The following PCDHGB2 variants were observed in gnomAD, a reference collection of about 807,000 sequenced individuals.
PCDHGB2 encodes the protein protocadherin gamma-B2.
PCDHGB2 carries 55 observed loss-of-function variants against 59.3 expected under a neutral mutation model. The ratio of observed to expected loss-of-function variants is 0.93; its 90% CI spans 0.75 to 1.16. The LOEUF (loss-of-function observed/expected upper bound fraction) is 1.16. Among genes scored for constraint, PCDHGB2 ranks in the 50% most tolerant of loss-of-function variants. The pLI, the probability that PCDHGB2 is intolerant of heterozygous loss-of-function variation, is 0.00. For missense variants in PCDHGB2, 1,228 were observed against 1,198.5 expected, an observed-to-expected ratio of 1.02 and a Z score of -0.36; for synonymous variants, 516 against 512.0, an observed-to-expected ratio of 1.01 and a Z score of -0.11.
intron 1 of PCDHGB2, chr5:141,413,949 T>C (rs1291474416): frequency 6.2e-7 from 1 of 1,613,218 alleles, no homozygotes; most frequent in African/African-American, 1.3e-5. Context: ...TTCCTGAGAA[T>C]TTGCCTGTGG....
chr5:141,399,460 G>C (rs1465606526), intron 1 of PCDHGB2: 1 of 1,613,962 alleles, frequency 6.2e-7, no homozygotes, highest in Admixed American at 1.7e-5. Context: ...CAACGATAAC[G>C]CTCCGGTTTT....
At chr5:141,503,005 G>A (rs915064303) in intron 2 of PCDHGB2, among the ~76,000 whole-genome samples, 16 of 145,340 alleles carry the variant, frequency 1.1e-4, no homozygotes, top group African/African-American at 2.3e-4. Flanking sequence ...CACCATGCCC[G>A]GTTAATTTTT....
In PCDHGB2 at chr5:141,431,788, T is replaced by G. The variant is rs775397713; in HGVS notation, c.2422-63019T>G. 1 of 1,614,190 alleles carries G rather than the reference T, an allele frequency of 6.2e-7. No homozygotes were observed. The highest frequency in any genetic ancestry group is 1.1e-5 in the South Asian group (1 of 91,080). ...TCACTGTTCTGGACGTGAACGACAA[T>G]GCCCCAGAAGTGGTCCTCACCTCTC... On this transcript the variant is annotated intron_variant, in intron 1 of 3. Coordinates refer to ENST00000522605, the MANE Select transcript of PCDHGB2 (RefSeq NM_018923.3). The surrounding 1 kb of genome is among the most constrained non-coding windows in gnomAD (Gnocchi z 4.8).
intron 1 of PCDHGB2, among the ~76,000 whole-genome samples, chr5:141,425,068 A>G (rs1484760901): frequency 6.6e-6 from 1 of 152,174 alleles, no homozygotes; most frequent in African/African-American, 2.4e-5. Context: ...GGACAAAAAT[A>G]ATTTCAACTG....
chr5:141,410,665 G>A, intron 1 of PCDHGB2: 1 of 1,569,394 alleles, frequency 6.4e-7, no homozygotes, highest in Non-Finnish European at 8.6e-7. Context: ...TAGTCTACTA[G>A]TTTCTCATAT....
intron 2 of PCDHGB2, among the ~76,000 whole-genome samples, chr5:141,496,538 T>G (rs568286018): frequency 1.5e-4 from 23 of 152,266 alleles, no homozygotes; most frequent in African/African-American, 5.5e-4. Flanking sequence ...TGGCAGAGAT[T>G]CCAGCTTCTG....
chr5:141,470,872 TTTTTTG>T (rs900302332), intron 1 of PCDHGB2, among the ~76,000 whole-genome samples: 3 of 151,814 alleles, frequency 2.0e-5, no homozygotes, highest in African/African-American at 4.8e-5. Context: ...GTTTGTTTGT[TTTTTTG>T]TTTTTGTTTT....
chr5:141,418,891 C>G (rs774546487), intron 1 of PCDHGB2: 4 of 1,613,842 alleles, frequency 2.5e-6, no homozygotes, highest in East Asian at 2.2e-5. Context: ...ACGACAACAG[C>G]CCAGAAATAA....
In PCDHGB2 at chr5:141,404,306, T is replaced by C. The variant is rs200297928; in HGVS notation, c.2421+41750T>C. 1,450 of 1,613,824 alleles carry C rather than the reference T, an allele frequency of 9.0e-4. 2 individuals carry two copies. Among genetic ancestry groups the C allele is most frequent in the Admixed American group, 2.4e-3 (143 of 60,004 alleles). ...TGACATCAATGATAATCCACCTGCT[T>C]TCTCTCAAGCCTCCTACTCAGTCTA... On this transcript the variant is annotated intron_variant, in intron 1 of 3. Coordinates refer to ENST00000522605, the MANE Select transcript of PCDHGB2 (RefSeq NM_018923.3).
chr5:141,390,173 T>C (rs1212038164), intron 1 of PCDHGB2: 1 of 1,613,616 alleles, frequency 6.2e-7, no homozygotes. Flanking sequence ...CGGAGTTTAA[T>C]TTCCTAAAAT....
Position 141,431,103 on chromosome 5 carries a change from A to C in PCDHGB2, c.2422-63704A>C, listed in dbSNP as rs769542343. On this transcript the variant is annotated intron_variant, in intron 1 of 3. Coordinates refer to ENST00000522605, the MANE Select transcript of PCDHGB2 (RefSeq NM_018923.3). This position sits in a 1 kb window ranked among gnomAD's most constrained non-coding sequence, Gnocchi z 4.8. ...GACATTCTGATGGAGGATAAAGTGA[A>C]AATATATGGAGTAGAAGTAGAAGTA... 6.2e-7 allele frequency: 1 copy of C among 1,614,246 alleles called. No individual in the cohort carries two copies.
intron 1 of PCDHGB2, chr5:141,423,540 C>T (rs961504938): frequency 6.2e-7 from 1 of 1,613,606 alleles, no homozygotes; most frequent in Non-Finnish European, 8.5e-7. Context: ...ACCTGATTTT[C>T]CCCCAGCCCA....
chr5:141,388,686 GA>G, intron 1 of PCDHGB2: 1 of 1,613,980 alleles, frequency 6.2e-7, no homozygotes, highest in Non-Finnish European at 8.5e-7. Context: ...GACTGCCACG[GA>G]CCAGGATGAG....
At chr5:141,474,106 A>G (rs1334111464) in intron 1 of PCDHGB2, among the ~76,000 whole-genome samples, 1 of 152,108 alleles carries the variant, frequency 6.6e-6, no homozygotes, top group African/African-American at 2.4e-5. Flanking sequence ...CAACAAAAAC[A>G]ACAACAACGA....
At chr5:141,362,890 A>T (rs933124427) in intron 1 of PCDHGB2, among the ~76,000 whole-genome samples, 2 of 152,196 alleles carry the variant, frequency 1.3e-5, no homozygotes, top group African/African-American at 4.8e-5. Context: ...TTTTAGTTTT[A>T]CTTCCTCTTA....
At chr5:141,444,178 TTTTTTTTTTTG>T in intron 1 of PCDHGB2, among the ~76,000 whole-genome samples, 1 of 134,050 alleles carries the variant, frequency 7.5e-6, no homozygotes, top group Admixed American at 7.5e-5. Flanking sequence ...TTTTTTTTTT[TTTTTTTTTTTG>T]AGATGGAGTT....
intron 1 of PCDHGB2, chr5:141,392,764 C>T (rs1589161528): frequency 1.4e-6 from 2 of 1,480,722 alleles, no homozygotes; most frequent in South Asian, 2.8e-5. Context: ...CTAAATAAGA[C>T]CCATTTATGC....
chr5:141,489,625 A>G lies in PCDHGB2; in HGVS notation c.2422-5182A>G. ...GGTAGAGATCCTGGATCTCAATGAC[A>G]ACTCTCCTAGCTTTGCCACCCCTGA... On this transcript the variant is annotated intron_variant, in intron 1 of 3. Transcript: ENST00000522605. The surrounding 1 kb of genome is among the most constrained non-coding windows in gnomAD (Gnocchi z 4.5). 6.2e-7 allele frequency: 1 copy of G among 1,614,076 alleles called. No homozygotes were observed. The highest frequency in any genetic ancestry group is 8.5e-7 in the Non-Finnish European group (1 of 1,180,006).
chr5:141,473,312 A>G (rs1432409474), intron 1 of PCDHGB2, among the ~76,000 whole-genome samples: 1 of 152,228 alleles, frequency 6.6e-6, no homozygotes, highest in Non-Finnish European at 1.5e-5. Context: ...TGCTATATTA[A>G]TAAGCATTAA....
Sources: gnomAD v4.1 joint callset for allele counts (sites outside exome capture counted in the v4.1 genomes callset) on GRCh38, gnomAD v4.1.1 for gene constraint, Gnocchi (gnomAD v3.1) non-coding constraint, MANE v1.5 for transcripts, NCBI Gene and HGNC (gene_info 2026-07-23, HGNC 2026-07-21) for gene names.